The following RIMS1 variants were observed in gnomAD, a reference collection of about 807,000 sequenced individuals.
RIMS1 encodes the protein regulating synaptic membrane exocytosis 1, also known as regulating synaptic membrane exocytosis protein 1.
Under a neutral mutation model 214.1 loss-of-function variants are expected in RIMS1, and 83 were observed. That is an observed-to-expected ratio of 0.39 (90% CI 0.32 to 0.47). The LOEUF (loss-of-function observed/expected upper bound fraction) is 0.47. Ranked by LOEUF, RIMS1 falls within the 20% of genes least tolerant of loss-of-function variation. RIMS1 has a pLI of 0.99. For synonymous variants in RIMS1, 793 were observed against 786.8 expected, an observed-to-expected ratio of 1.01 and a Z score of -0.13; for missense variants, 2,050 against 2,161.8, an observed-to-expected ratio of 0.95 and a Z score of 1.03.
At position 71,886,943 on chromosome 6, in the gene RIMS1, G is replaced by T; in HGVS notation, c.-81G>T. On this transcript the variant is annotated 5_prime_UTR_variant, in exon 1 of 34. Transcript: ENST00000521978. ...GCCGCTAGGGCTCCGCTGTGAGGGG[G>T]AAGCAGGGGCGCAGCTGCTGGGCGT... 6.6e-7 allele frequency: 1 copy of T among 1,508,704 alleles called. No homozygotes were observed. The highest frequency in any genetic ancestry group is 9.0e-7 in the Non-Finnish European group (1 of 1,111,348). 93.5% of individuals were successfully genotyped at this position (1,508,704 alleles called of 1,614,324 possible). A position where few individuals can be genotyped will look rare whatever the true frequency, so the allele number is the denominator to read the frequency against.
intron 29 of RIMS1, among the ~76,000 whole-genome samples, chr6:72,362,531 G>A (rs1011240176): frequency 2.0e-5 from 3 of 151,814 alleles, no homozygotes; most frequent in East Asian, 3.9e-4. Flanking sequence ...TAATGAGGGG[G>A]GAAGACAACA....
At chr6:72,292,641 A>G (rs1290799107) in intron 26 of RIMS1, among the ~76,000 whole-genome samples, 6 of 152,126 alleles carry the variant, frequency 3.9e-5, no homozygotes, top group Admixed American at 6.6e-5. Context: ...ATTTTAGTAG[A>G]AACTAAATTT....
intron 16 of RIMS1, 124 bp from the exon 17 acceptor site, chr6:72,258,001 C>T: frequency 1.2e-6 from 1 of 819,706 alleles, no homozygotes; most frequent in Admixed American, 2.4e-5. Context: ...GCTATTAATA[C>T]CGATTGCATG....
intron 1 of RIMS1, among the ~76,000 whole-genome samples, chr6:71,914,717 G>C (rs372148173): frequency 5.9e-5 from 9 of 152,212 alleles, no homozygotes; most frequent in African/African-American, 2.2e-4. Flanking sequence ...TTGCCAAAAG[G>C]CTTTGAGATC....
intron 2 of RIMS1, among the ~76,000 whole-genome samples, chr6:72,090,915 G>A (rs57609736): frequency 0.012 from 1,820 of 152,174 alleles, 37 homozygotes; most frequent in African/African-American, 0.042. Flanking sequence ...TCAGTCCATC[G>A]TTCTCAGAAC....
chr6:72,312,540 T>A (rs185537316), intron 27 of RIMS1, among the ~76,000 whole-genome samples: 1 of 152,146 alleles, frequency 6.6e-6, no homozygotes, highest in Non-Finnish European at 1.5e-5. Flanking sequence ...TTTAATCTTT[T>A]ATTTGATGAT....
intron 2 of RIMS1, among the ~76,000 whole-genome samples, chr6:72,021,472 A>G (rs932567709): frequency 3.9e-5 from 6 of 152,194 alleles, no homozygotes; most frequent in African/African-American, 1.4e-4. Flanking sequence ...AAGGGTAAAT[A>G]TGATGCAATC....
chr6:72,051,448 C>T (rs565665263), intron 2 of RIMS1, among the ~76,000 whole-genome samples: 4 of 152,184 alleles, frequency 2.6e-5, no homozygotes, highest in African/African-American at 9.7e-5. Flanking sequence ...CAAGGTCACA[C>T]GCTAGTAAGT....
At chr6:72,109,461 G>A (rs2035545825) in intron 4 of RIMS1, among the ~76,000 whole-genome samples, 2 of 152,112 alleles carry the variant, frequency 1.3e-5, no homozygotes, top group African/African-American at 4.8e-5. Context: ...GTGATGGTGG[G>A]CATTTTTTCA....
At chr6:72,073,787 T>C (rs914086091) in intron 2 of RIMS1, among the ~76,000 whole-genome samples, 15 of 152,202 alleles carry the variant, frequency 9.9e-5, no homozygotes, top group African/African-American at 3.6e-4. Context: ...CTCTGGTCCA[T>C]GGTTCCCTCA....
chr6:72,378,006 A>G (rs1223844844), intron 29 of RIMS1, among the ~76,000 whole-genome samples: 1 of 152,230 alleles, frequency 6.6e-6, no homozygotes. Flanking sequence ...TGGGAAAATC[A>G]TAAGCACTCA....
intron 2 of RIMS1, among the ~76,000 whole-genome samples, chr6:72,037,655 C>T (rs1820047276): frequency 6.6e-6 from 1 of 151,994 alleles, no homozygotes; most frequent in Non-Finnish European, 1.5e-5. Context: ...ATATCCATCA[C>T]CTTCAAAAGT....
rs1290210710 is a variant in RIMS1, at chr6:72,313,507, A to G, written c.3965A>G (p.Tyr1322Cys). 3 of 1,612,162 alleles carry G rather than the reference A, an allele frequency of 1.9e-6. No individual in the cohort carries two copies. Among genetic ancestry groups the G allele is most frequent in the Admixed American group, 1.7e-5 (1 of 59,826 alleles). Residue 1322 changes from tyrosine (Y) to cysteine (C), a missense_variant and splice_region_variant, in exon 28 of 34, where the codon TAT becomes TGT. By Grantham distance (194) the Tyr-to-Cys change is radical. Coordinates refer to ENST00000521978, the MANE Select transcript of RIMS1 (RefSeq NM_014989.7). ...QELDREQYSK[Y>C]NIHKDQYRSC... ...CACTTTCTTGTTTTTAATCTTTAGT[A>G]TAACATACATAAAGATCAGTACAGA...
chr6:71,922,978 T>A (rs181609827), intron 1 of RIMS1, among the ~76,000 whole-genome samples: 223 of 151,842 alleles, frequency 1.5e-3, no homozygotes, highest in Non-Finnish European at 2.3e-3. Flanking sequence ...TTAAAAAAAA[T>A]TAGTGTTTAA....
chr6:72,309,392 G>A (rs1397660727), intron 27 of RIMS1, among the ~76,000 whole-genome samples: 1 of 152,020 alleles, frequency 6.6e-6, no homozygotes, highest in Non-Finnish European at 1.5e-5. Flanking sequence ...GAATGAAAGA[G>A]GTAATTAATT....
At chr6:72,135,631 C>T (rs147762230) in intron 4 of RIMS1, among the ~76,000 whole-genome samples, 6 of 152,122 alleles carry the variant, frequency 3.9e-5, no homozygotes, top group African/African-American at 4.8e-5. Context: ...CCAAAACTGA[C>T]GTGGAAAGGA....
chr6:72,398,183 CT>C, intron 31 of RIMS1, 65 bp from the exon 32 acceptor site: 1 of 995,002 alleles, frequency 1.0e-6, no homozygotes, highest in Admixed American at 2.0e-5. Context: ...ACGGGCTCTC[CT>C]TTTTGTTTTA....
In RIMS1 at chr6:72,196,369, G is replaced by C. The variant is rs537921168; in HGVS notation, c.1678+13220G>C. Among the ~76,000 whole-genome samples, 3 of 122,962 alleles carry C rather than the reference G, an allele frequency of 2.4e-5. No individual in the cohort carries two copies. In the East Asian group the frequency reaches 6.5e-4, roughly 27 times the overall value. The allele number at this position is 122,962 out of a possible 152,430, so 80.7% of individuals were successfully genotyped here. A position where few individuals can be genotyped will look rare whatever the true frequency, so the allele number is the denominator to read the frequency against. On this transcript the variant is annotated intron_variant, in intron 6 of 33. Coordinates refer to ENST00000521978, the MANE Select transcript of RIMS1 (RefSeq NM_014989.7). ...ATTTCCTCTGTCTGTCTGTCTGTCT[G>C]TCTGTCTGTCTATCTATCTATCTAT...
rs368576949 is a variant in RIMS1 at position 72,160,351 on chromosome 6, G to T, written c.472-19224G>T. On this transcript the variant is annotated intron_variant, in intron 4 of 33. Coordinates refer to ENST00000521978, the MANE Select transcript of RIMS1 (RefSeq NM_014989.7). ...CCAACAGGGACAATTTGACTTCCTC[G>T]TTTCCTAATTGAATACCCTTTATTT... is the stretch of plus-strand genomic sequence containing the variant. Among the ~76,000 whole-genome samples the T allele has an allele frequency of 4.4e-4, 62 of 139,510 alleles. 12 individuals are homozygous for T. Among genetic ancestry groups the T allele is most frequent in the Non-Finnish European group, 2.6e-4 (16 of 61,448 alleles). 91.5% of individuals were successfully genotyped at this position (139,510 alleles called of 152,430 possible).
Sources: allele counts gnomAD v4.1 joint callset (sites outside exome capture counted in the v4.1 genomes callset), GRCh38; gene constraint gnomAD v4.1.1; transcripts MANE v1.5; gene names NCBI Gene and HGNC (gene_info 2026-07-23, HGNC 2026-07-21).